The following CLEC4C variants were observed in gnomAD, a reference collection of about 807,000 sequenced individuals.
CLEC4C encodes C-type lectin domain family 4 member C, also known as C-type (calcium dependent, carbohydrate-recognition domain) lectin, superfamily member 11.
A neutral mutation model predicts 27.7 loss-of-function variants in CLEC4C; 17 were observed. That is an observed-to-expected ratio of 0.61 (90% CI 0.42 to 0.92). CLEC4C has a LOEUF of 0.92. CLEC4C is among the 40% of genes least tolerant of loss of function. The pLI is 0.00. For missense variants in CLEC4C, 244 were observed against 257.3 expected (o/e 0.95, Z 0.35); for synonymous variants, 80 against 80.8 (o/e 0.99, Z 0.06).
rs1392187646 is a variant in CLEC4C at position 7,729,633 on chromosome 12, T to C, written c.605A>G (p.Gln202Arg). Residue 202 changes from glutamine to arginine, a missense_variant, in exon 6 of 6, where the codon CAG (glutamine) becomes CGG (arginine). Physicochemically the swap from Gln to Arg is conservative, Grantham distance 43. Coordinates refer to ENST00000360345, the MANE Select transcript of CLEC4C (RefSeq NM_001371390.1). ...GWNDIHCHVP[Q>R]KSICKMKKIY... is the part of the protein sequence containing the mutation. ...CTTCTTCATCTTGCAAATTGACTTC[T>C]GAGGTACATGACAGTGAATGTCATT... The C allele has an allele frequency of 6.2e-7, 1 of 1,613,714 alleles. No homozygotes were observed.
intron 3 of CLEC4C, 106 bp downstream of exon 3, chr12:7,741,315 A>C (rs1864848981): frequency 1.4e-6 from 1 of 700,748 alleles, no homozygotes. Flanking sequence ...ATGCAGTAGG[A>C]AAAACCAGGC....
rs767963903 is a variant in CLEC4C at position 7,729,623 on chromosome 12, A to C, written c.615T>G (p.Ile205Met). 1.2e-6 allele frequency: 2 copies of C among 1,613,888 alleles called. No homozygotes were observed. Among genetic ancestry groups the C allele is most frequent in the Non-Finnish European group, 1.7e-6 (2 of 1,179,904 alleles). The change falls in exon 6 of 6, where the codon ATT (isoleucine) becomes ATG (methionine). Residue 205 changes from isoleucine (I) to methionine (M), a missense_variant. Physicochemically the swap from Ile to Met is conservative, Grantham distance 10 (BLOSUM62 1). Coordinates refer to ENST00000360345, the MANE Select transcript of CLEC4C (RefSeq NM_001371390.1). ...ATATGTAGATCTTCTTCATCTTGCA[A>C]ATTGACTTCTGAGGTACATGACAGT... ...DIHCHVPQKS[I>M]CKMKKIYI
intron 3 of CLEC4C, 33 bp from the exon 4 acceptor site, chr12:7,737,607 T>C: frequency 6.3e-7 from 1 of 1,591,066 alleles, no homozygotes; most frequent in African/African-American, 1.3e-5. Flanking sequence ...AGAAAAAATA[T>C]TAACAGAGAA....
intron 4 of CLEC4C, among the ~76,000 whole-genome samples, chr12:7,736,991 G>C (rs1445053230): frequency 6.6e-6 from 1 of 152,220 alleles, no homozygotes; most frequent in Non-Finnish European, 1.5e-5. Flanking sequence ...AACACTTTGA[G>C]AGGCCGAGGC....
chr12:7,743,722 T>C (rs1864912349), intron 2 of CLEC4C, among the ~76,000 whole-genome samples: 1 of 152,154 alleles, frequency 6.6e-6, no homozygotes, highest in Non-Finnish European at 1.5e-5. Context: ...GTCAAACTCT[T>C]CTATTTTCTC....
intron 3 of CLEC4C, among the ~76,000 whole-genome samples, chr12:7,739,415 T>C (rs1465266914): frequency 6.6e-6 from 1 of 151,968 alleles, no homozygotes; most frequent in Non-Finnish European, 1.5e-5. Context: ...CTGGCCTGTT[T>C]CATTCTTGAA....
At position 7,730,847 on chromosome 12, in the gene CLEC4C, A is replaced by C; in HGVS notation, c.447T>G (p.Gly149=). Reference sequence around the variant, plus strand: ...GGTCAACCCATTGCCAATGTCGCCGACCCCCTGGATCTGACAGCCCCAGAA... The same window carrying C: ...GGTCAACCCATTGCCAATGTCGCCGCCCCCCTGGATCTGACAGCCCCAGAA... ...SYFLGLSDPG[G]RRHWQWVDQT... The change falls in exon 5 of 6, where the codon GGT becomes GGG. Residue 149 remains glycine (G), a synonymous_variant. Transcript: ENST00000360345. 1 of 1,611,408 alleles carries C rather than the reference A, an allele frequency of 6.2e-7. No homozygotes were observed. Among genetic ancestry groups the C allele is most frequent in the Non-Finnish European group, 8.5e-7 (1 of 1,177,990 alleles).
In CLEC4C at chr12:7,730,787, C is replaced by G; in HGVS notation, c.497+10G>C. ...AGGACCCAGTGTCCTTTACCTCATTCTATACTCACGTGACATTTTCATTGT... is the reference window on the plus strand; with the variant it reads ...AGGACCCAGTGTCCTTTACCTCATTGTATACTCACGTGACATTTTCATTGT... On this transcript the variant is annotated intron_variant, in intron 5 of 5. Transcript: ENST00000360345. 6.8e-7 allele frequency: 1 copy of G among 1,468,298 alleles called. No individual in the cohort carries two copies. Among genetic ancestry groups the G allele is most frequent in the Non-Finnish European group, 9.5e-7 (1 of 1,047,392 alleles). The allele number at this position is 1,468,298 out of a possible 1,614,324, so 91.0% of individuals were successfully genotyped here.
intron 4 of CLEC4C, among the ~76,000 whole-genome samples, chr12:7,735,506 G>GAAAAAAAA (rs74982387): frequency 1.2e-5 from 1 of 80,432 alleles, no homozygotes; most frequent in African/African-American, 5.4e-5. Context: ...CTGTCTCAAA[G>GAAAAAAAA]AAAAAAAAAA....
chr12:7,746,503 G>A, intron 1 of CLEC4C, 80 bp from the exon 2 acceptor site: 2 of 819,522 alleles, frequency 2.4e-6, no homozygotes, highest in East Asian at 2.6e-5. Context: ...AAAAATCTTA[G>A]AATAATAAAG....
In CLEC4C at chr12:7,745,781, T is replaced by C. The variant is rs924095228; in HGVS notation, c.124+550A>G. On this transcript the variant is annotated intron_variant, in intron 2 of 5. Transcript: ENST00000360345. ...CAGCCCAAGCTGACCAAGACAGTTATGATCACATTTGAAAAATGCAACTAA... is the reference window on the plus strand; with the variant it reads ...CAGCCCAAGCTGACCAAGACAGTTACGATCACATTTGAAAAATGCAACTAA... Among the ~76,000 whole-genome samples the C allele has an allele frequency of 3.3e-5, 5 of 152,006 alleles. No individual in the cohort carries two copies. In the East Asian group the frequency reaches 7.7e-4, roughly 23 times the overall value.
intron 4 of CLEC4C, among the ~76,000 whole-genome samples, chr12:7,731,340 G>C (rs1207387706): frequency 6.6e-6 from 1 of 152,142 alleles, no homozygotes; most frequent in Non-Finnish European, 1.5e-5. Flanking sequence ...CCAAGCCTCT[G>C]ATAAACTCTC....
At chr12:7,741,335 T>A in intron 3 of CLEC4C, 86 bp downstream of exon 3, 1 of 780,744 alleles carries the variant, frequency 1.3e-6, no homozygotes, top group Non-Finnish European at 2.2e-6. Context: ...CTGCAGTTGA[T>A]AATTTTAGTG....
chr12:7,749,014 TGAGG>T (rs1865046117), upstream of CLEC4C: 2 of 152,140 alleles, frequency 1.3e-5, no homozygotes, highest in Non-Finnish European at 2.9e-5. Context: ...CCCCGGTTGG[TGAGG>T]GAGGGAGTCC....
chr12:7,743,158 C>A (rs564128612), intron 2 of CLEC4C, among the ~76,000 whole-genome samples: 1 of 152,260 alleles, frequency 6.6e-6, no homozygotes, highest in South Asian at 2.1e-4. Flanking sequence ...TACTAGGTAA[C>A]AGCATCTAAT....
chr12:7,747,488 C>T, upstream of CLEC4C: 1 of 770,346 alleles, frequency 1.3e-6, no homozygotes, highest in South Asian at 1.5e-5. Flanking sequence ...CCTACTCTTG[C>T]AAAGGAAGAG....
At chr12:7,729,901 G>C (rs1201065605) in intron 5 of CLEC4C, among the ~76,000 whole-genome samples, 161 bp from the exon 6 acceptor site, 1 of 152,070 alleles carries the variant, frequency 6.6e-6, no homozygotes, top group Admixed American at 6.6e-5. Flanking sequence ...TCATGTTCAG[G>C]CAGTTTCCTC....
At chr12:7,749,152 G>C (rs1865048416), upstream of CLEC4C, 2 of 152,292 alleles carry the variant, frequency 1.3e-5, no homozygotes, top group African/African-American at 4.8e-5. Flanking sequence ...TGCAGGGTCA[G>C]ACAGAGGTTG....
At chr12:7,747,423 G>T, upstream of CLEC4C, 1 of 1,471,038 alleles carries the variant, frequency 6.8e-7, no homozygotes, top group Non-Finnish European at 9.5e-7. Flanking sequence ...CTCCAAAGAT[G>T]TTACTTTCGG....
Sources: gnomAD v4.1 joint callset for allele counts (sites outside exome capture counted in the v4.1 genomes callset) on GRCh38, gnomAD v4.1.1 for gene constraint, MANE v1.5 for transcripts, NCBI Gene and HGNC (gene_info 2026-07-23, HGNC 2026-07-21) for gene names.